CFAP46: variants seen among roughly 807,000 people sequenced by gnomAD.
CFAP46 encodes cilia and flagella associated protein 46.
In CFAP46, 245 loss-of-function variants were observed where a neutral mutation model predicts 325.7. The observed-to-expected ratio is 0.75, with a 90% confidence interval of 0.68 to 0.84. The LOEUF is 0.84. CFAP46 is among the 40% of genes least tolerant of loss of function. The pLI is 0.00. For missense variants in CFAP46, 3,346 were observed against 3,543.0 expected (o/e 0.94, Z 1.41); for synonymous variants, 1,523 against 1,495.9 (o/e 1.02, Z -0.42).
intron 8 of CFAP46, among the ~76,000 whole-genome samples, chr10:132,933,667 G>A (rs539236850): frequency 5.3e-5 from 8 of 152,364 alleles, no homozygotes; most frequent in Non-Finnish European, 1.2e-4. Flanking sequence ...CTCCCTCGAG[G>A]AGCCTGCAGC....
Position 132,865,802 on chromosome 10 carries a change from T to C in CFAP46, c.4890+223A>G, listed in dbSNP as rs142076660. 2.6e-3 allele frequency among the ~76,000 whole-genome samples: 399 copies of C among 152,306 alleles called. 3 individuals carry two copies. Among genetic ancestry groups the C allele is most frequent in the Non-Finnish European group, 5.0e-3 (337 of 68,026 alleles). ...GGTTGCAGAGACCAACAGCAGGTAC[T>C]GGAAATAGAAACTTCAGCAAACTGT... On this transcript the variant is annotated intron_variant, in intron 35 of 57. Transcript: ENST00000368586.
chr10:132,874,287 G>C (rs945814061), intron 31 of CFAP46, among the ~76,000 whole-genome samples: 1 of 152,122 alleles, frequency 6.6e-6, no homozygotes, highest in Non-Finnish European at 1.5e-5. Flanking sequence ...GCACAGCCAA[G>C]CTGCCCTATT....
intron 19 of CFAP46, among the ~76,000 whole-genome samples, 171 bp downstream of exon 19, chr10:132,912,469 CTCTCTTCACATCTCT>C: frequency 7.1e-6 from 1 of 141,238 alleles, no homozygotes; most frequent in Non-Finnish European, 1.6e-5. Flanking sequence ...TCACCTCTCT[CTCTCTTCACATCTCT>C]CTCTCCTCTT....
chr10:132,940,434 G>A (rs939371442), intron 4 of CFAP46, among the ~76,000 whole-genome samples: 7 of 152,224 alleles, frequency 4.6e-5, no homozygotes, highest in African/African-American at 1.7e-4. Flanking sequence ...TTTGTAGAAA[G>A]TGCTGGAGTC....
intron 3 of CFAP46, 37 bp downstream of exon 3, chr10:132,941,554 G>A: frequency 6.3e-7 from 1 of 1,593,618 alleles, no homozygotes; most frequent in Non-Finnish European, 8.6e-7. Flanking sequence ...GGTGAAAATT[G>A]AACTGTTGGG....
In CFAP46 at chr10:132,909,118, G is replaced by A. The variant is rs1202144437; in HGVS notation, c.2757+19C>T. 4 of 1,532,762 alleles carry A rather than the reference G, an allele frequency of 2.6e-6. No individual in the cohort carries two copies. Among genetic ancestry groups the A allele is most frequent in the African/African-American group, 2.8e-5 (2 of 72,678 alleles). 94.9% of individuals were successfully genotyped at this position (1,532,762 alleles called of 1,614,324 possible). ...CGCCTCTTGGCCCCTGGCCTCCCGG[G>A]ACCCCTGGGGACACCTACCTGGGCC... On this transcript the variant is annotated intron_variant, in intron 21 of 57. Transcript: ENST00000368586.
chr10:132,836,094 G>A (rs764822770), intron 46 of CFAP46, 48 bp downstream of exon 46: 1 of 1,363,492 alleles, frequency 7.3e-7, no homozygotes. Context: ...TCTCGCCCAT[G>A]CTCCGCCTGC....
chr10:132,921,535 G>A (rs780398058), intron 13 of CFAP46, among the ~76,000 whole-genome samples: 2 of 152,210 alleles, frequency 1.3e-5, no homozygotes, highest in Non-Finnish European at 2.9e-5. Flanking sequence ...AGGGAGCCCC[G>A]TCCTGTGCCT....
At chr10:132,826,028 GAGCCATGGAGCCAGGCAGGAGCCGT>G (rs1436609537) in intron 50 of CFAP46, among the ~76,000 whole-genome samples, 1,059 of 145,162 alleles carry the variant, frequency 7.3e-3, no homozygotes, top group Middle Eastern at 0.018. Flanking sequence ...GCAGGAGCCG[GAGCCATGGAGCCAGGCAGGAGCCGT>G]AGCCACAGAG....
chr10:132,913,417 C>T (rs895104535), intron 17 of CFAP46, among the ~76,000 whole-genome samples, 159 bp from the exon 18 acceptor site: 12 of 152,294 alleles, frequency 7.9e-5, no homozygotes, highest in East Asian at 3.9e-4. Flanking sequence ...ACAGTCGCCC[C>T]GCCGCTGGCA....
intron 39 of CFAP46, among the ~76,000 whole-genome samples, 200 bp from the exon 40 acceptor site, chr10:132,851,505 T>C (rs6560708): frequency 0.69 from 104,298 of 152,104 alleles, 36,775 homozygotes; most frequent in African/African-American, 0.84. Flanking sequence ...GTAGCCCTTA[T>C]CCCCAAATCT....
chr10:132,938,503 T>TCC, intron 5 of CFAP46, 86 bp downstream of exon 5: 4 of 1,246,674 alleles, frequency 3.2e-6, no homozygotes, highest in South Asian at 1.4e-5. Context: ...GGAACTCCCG[T>TCC]CCCCCCCCCG....
At position 132,846,092 on chromosome 10, in the gene CFAP46, C is replaced by T. The variant is rs767294763; in HGVS notation, c.6403G>A (p.Ala2135Thr). Residue 2135 changes from alanine to threonine, a missense_variant, in exon 44 of 58, where the codon GCC becomes ACC. Physicochemically the swap from Ala to Thr is moderately conservative, Grantham distance 58. Transcript: ENST00000368586. The part of the protein sequence containing the change: ...CQDRTTTSLG[A>T]RVEQRLAAVS... Reference sequence around the variant, plus strand: ...GCGGCCAGCCTCTGCTCCACACGGGCGCCCAGGCTGGTGGTGGTCCTGTCT... The same window carrying T: ...GCGGCCAGCCTCTGCTCCACACGGGTGCCCAGGCTGGTGGTGGTCCTGTCT... 29 of 1,601,530 alleles carry T rather than the reference C, an allele frequency of 1.8e-5. No individual in the cohort carries two copies. The East Asian group carries it at 4.3e-4, about 23-fold the overall frequency.
At chr10:132,821,797 G>A (rs1591033550) in intron 50 of CFAP46, among the ~76,000 whole-genome samples, 1 of 144,300 alleles carries the variant, frequency 6.9e-6, no homozygotes, top group African/African-American at 2.7e-5. Flanking sequence ...TGTGTGCTGT[G>A]TGTTGTGTGA....
At chr10:132,834,611 C>T (rs368362366) in intron 48 of CFAP46, 43 bp downstream of exon 48, 28 of 1,605,536 alleles carry the variant, frequency 1.7e-5, no homozygotes, top group African/African-American at 1.7e-4. Context: ...CGTGTCCATG[C>T]GTGAGCGTGG....
chr10:132,850,269 G>C lies in CFAP46; in HGVS notation c.5927C>G (p.Thr1976Ser). Residue 1976 changes from threonine to serine, a missense_variant, in exon 41 of 58, where the codon ACC becomes AGC. Transcript: ENST00000368586. ...LAMQADPVHPTCYWEAGPSVG... is the reference protein window; with the variant it reads ...LAMQADPVHPSCYWEAGPSVG... ...CGAGGGGCCCGCCTCCCAGTAGCAG[G>C]TAGGGTGCACAGGGTCAGCTTGCAT... The C allele has an allele frequency of 6.4e-7, 1 of 1,550,854 alleles. No homozygotes were observed. Among genetic ancestry groups the C allele is most frequent in the Non-Finnish European group, 8.7e-7 (1 of 1,146,970 alleles).
chr10:132,821,358 GTGTGTGC>G (rs1185460404), intron 50 of CFAP46, among the ~76,000 whole-genome samples: 23 of 136,200 alleles, frequency 1.7e-4, no homozygotes, highest in African/African-American at 6.5e-4. Flanking sequence ...GATGTGTGCT[GTGTGTGC>G]TGTGTGCTGT....
At chr10:132,899,201 G>A (rs960551323) in intron 23 of CFAP46, 80 bp from the exon 24 acceptor site, 19 of 1,433,882 alleles carry the variant, frequency 1.3e-5, no homozygotes, top group African/African-American at 7.1e-5. Context: ...CAGGAAGGTC[G>A]GGCGCCCAGG....
chr10:132,841,107 C>T (rs1332849958), intron 44 of CFAP46, among the ~76,000 whole-genome samples: 1 of 152,190 alleles, frequency 6.6e-6, no homozygotes, highest in Non-Finnish European at 1.5e-5. Flanking sequence ...AAACTCATGT[C>T]CTTCTCATAT....
Sources: allele counts gnomAD v4.1 joint callset (sites outside exome capture counted in the v4.1 genomes callset), GRCh38; gene constraint gnomAD v4.1.1; transcripts MANE v1.5; gene names NCBI Gene and HGNC (gene_info 2026-07-23, HGNC 2026-07-21).